The following PIP5K1B variants were observed in gnomAD, a reference collection of about 807,000 sequenced individuals.
PIP5K1B encodes the protein phosphatidylinositol 4-phosphate 5-kinase type-1 beta.
In PIP5K1B, 42 loss-of-function variants were observed where a neutral mutation model predicts 67.0. The observed-to-expected ratio is 0.63, with a 90% confidence interval of 0.49 to 0.81. The LOEUF (loss-of-function observed/expected upper bound fraction) is 0.81, where lower values mean the gene tolerates loss of function less well. PIP5K1B is among the 30% of genes least tolerant of loss of function. PIP5K1B has a pLI of 0.00. For missense variants in PIP5K1B, 459 were observed against 646.3 expected (o/e 0.71, Z 3.14); for synonymous variants, 214 against 231.4 (o/e 0.92, Z 0.68).
intron 1 of PIP5K1B, among the ~76,000 whole-genome samples, chr9:68,718,806 T>A (rs1827747699): frequency 6.6e-6 from 1 of 152,230 alleles, no homozygotes; most frequent in Non-Finnish European, 1.5e-5. Flanking sequence ...CTTTGCTGTC[T>A]TCTAAAATCT....
chr9:68,919,746 C>T lies in PIP5K1B; in HGVS notation c.1116+17C>T. On this transcript the variant is annotated intron_variant, in intron 11 of 15. Coordinates refer to ENST00000265382, the MANE Select transcript of PIP5K1B (RefSeq NM_003558.4). ...TATGATGGGGTAAGTGACTTATTTT[C>T]CTTATTATACTGTATATATTTCTGC... 2.1e-6 allele frequency: 3 copies of T among 1,415,878 alleles called. No individual in the cohort carries two copies. The highest frequency in any genetic ancestry group is 2.0e-6 in the Non-Finnish European group (2 of 1,003,118). The allele number at this position is 1,415,878 out of a possible 1,614,324, so 87.7% of individuals were successfully genotyped here. A position where few individuals can be genotyped will look rare whatever the true frequency, so the allele number is the denominator to read the frequency against.
At chr9:68,806,835 G>A (rs1832895151) in intron 2 of PIP5K1B, among the ~76,000 whole-genome samples, 1 of 152,066 alleles carries the variant, frequency 6.6e-6, no homozygotes, top group African/African-American at 2.4e-5. Flanking sequence ...GAAAGCAGCT[G>A]CCTGCCCAGT....
chr9:68,823,510 C>T (rs1448626283), intron 4 of PIP5K1B, among the ~76,000 whole-genome samples: 1 of 152,152 alleles, frequency 6.6e-6, no homozygotes, highest in African/African-American at 2.4e-5. Context: ...GATTTTATGT[C>T]TTCAGCCCAT....
At chr9:68,715,271 C>G (rs553494305) in intron 1 of PIP5K1B, among the ~76,000 whole-genome samples, 1 of 152,250 alleles carries the variant, frequency 6.6e-6, no homozygotes. Context: ...AGGGATCTGC[C>G]CCAGACTCTT....
chr9:68,780,957 A>T (rs1196953720), intron 2 of PIP5K1B: 2 of 1,614,082 alleles, frequency 1.2e-6, no homozygotes, highest in Non-Finnish European at 1.7e-6. Flanking sequence ...CAGCACTACC[A>T]CCGACTCTCC....
At chr9:68,968,893 C>G (rs1427097998) in intron 14 of PIP5K1B, among the ~76,000 whole-genome samples, 1 of 151,978 alleles carries the variant, frequency 6.6e-6, no homozygotes, top group Non-Finnish European at 1.5e-5. Context: ...GCCTGTCTTG[C>G]CTGTGTCATG....
intron 4 of PIP5K1B, among the ~76,000 whole-genome samples, chr9:68,863,101 A>T (rs961245894): frequency 6.6e-6 from 1 of 152,098 alleles, no homozygotes; most frequent in African/African-American, 2.4e-5. Flanking sequence ...TTTGGTCTGG[A>T]TGATTCTTTG....
intron 4 of PIP5K1B, among the ~76,000 whole-genome samples, chr9:68,844,607 CAATGGGGGAGATCT>C (rs147476063): frequency 0.31 from 42,503 of 138,228 alleles, 6,218 homozygotes; most frequent in Admixed American, 0.36. Flanking sequence ...GGGGGAGATC[CAATGGGGGAGATCT>C]AATGGGGGAG....
intron 8 of PIP5K1B, among the ~76,000 whole-genome samples, chr9:68,916,796 C>T (rs1247906882): frequency 1.3e-5 from 2 of 151,666 alleles, no homozygotes; most frequent in African/African-American, 4.8e-5. Flanking sequence ...CGTTTGAACC[C>T]GGGAGGCAGA....
chr9:68,955,233 C>A (rs1007635672), intron 14 of PIP5K1B, among the ~76,000 whole-genome samples: 1 of 152,204 alleles, frequency 6.6e-6, no homozygotes, highest in Non-Finnish European at 1.5e-5. Context: ...TTGAGATGCC[C>A]ATGCTTGACT....
intron 6 of PIP5K1B, among the ~76,000 whole-genome samples, chr9:68,881,283 C>A (rs1278585705): frequency 6.6e-6 from 1 of 152,184 alleles, no homozygotes. Flanking sequence ...CTGAAGAATA[C>A]AGCTGAAAGA....
chr9:68,912,004 T>G (rs76120196), intron 8 of PIP5K1B, among the ~76,000 whole-genome samples: 2,936 of 152,322 alleles, frequency 0.019, 88 homozygotes, highest in African/African-American at 0.064. Flanking sequence ...TGTAGAAAGA[T>G]GGTAATTGGA....
chr9:68,946,334 C>T (rs939004765), intron 14 of PIP5K1B, among the ~76,000 whole-genome samples: 4 of 152,210 alleles, frequency 2.6e-5, no homozygotes, highest in African/African-American at 9.6e-5. Context: ...TAGGATGATG[C>T]ACTCGTTGAT....
intron 2 of PIP5K1B, among the ~76,000 whole-genome samples, chr9:68,762,928 A>T (rs570332255): frequency 6.6e-6 from 1 of 152,098 alleles, no homozygotes; most frequent in Non-Finnish European, 1.5e-5. Flanking sequence ...TACCCTCTGG[A>T]GTAGCGCAGT....
intron 14 of PIP5K1B, among the ~76,000 whole-genome samples, chr9:68,962,032 T>C (rs1275672243): frequency 1.3e-5 from 2 of 152,238 alleles, no homozygotes; most frequent in African/African-American, 4.8e-5. Flanking sequence ...GAATCAAGTG[T>C]GTTCTAGGCT....
At chr9:68,903,302 A>G (rs889904824) in intron 8 of PIP5K1B, among the ~76,000 whole-genome samples, 1 of 152,250 alleles carries the variant, frequency 6.6e-6, no homozygotes, top group Non-Finnish European at 1.5e-5. Context: ...GTCAATGCAC[A>G]TAATAAAAGC....
At chr9:68,836,458 C>T (rs1229525166) in intron 4 of PIP5K1B, among the ~76,000 whole-genome samples, 2 of 152,142 alleles carry the variant, frequency 1.3e-5, no homozygotes, top group African/African-American at 4.8e-5. Flanking sequence ...AAACAAGACC[C>T]TGTTTTCCAA....
intron 5 of PIP5K1B, among the ~76,000 whole-genome samples, chr9:68,866,207 A>G (rs1169470982): frequency 6.6e-6 from 1 of 151,896 alleles, no homozygotes; most frequent in Non-Finnish European, 1.5e-5. Context: ...GAGGCAGGAG[A>G]ATCTCTGGAG....
At chr9:68,968,922 G>T (rs1829191886) in intron 14 of PIP5K1B, among the ~76,000 whole-genome samples, 3 of 152,048 alleles carry the variant, frequency 2.0e-5, no homozygotes, top group African/African-American at 7.2e-5. Context: ...TTTATTTGTA[G>T]AGGGAGGCAT....
Sources: gnomAD v4.1 joint callset for allele counts (sites outside exome capture counted in the v4.1 genomes callset) on GRCh38, gnomAD v4.1.1 for gene constraint, MANE v1.5 for transcripts, NCBI Gene and HGNC (gene_info 2026-07-23, HGNC 2026-07-21) for gene names.